ARHGEF26: variants seen among roughly 807,000 people sequenced by gnomAD.
ARHGEF26 encodes Rho guanine nucleotide exchange factor 26, also known as Rho guanine nucleotide exchange factor (GEF) 26.
A neutral mutation model predicts 89.4 loss-of-function variants in ARHGEF26; 59 were observed. The observed-to-expected ratio is 0.66, with a 90% confidence interval of 0.54 to 0.82. ARHGEF26 has a LOEUF of 0.82. ARHGEF26 is among the 40% of genes least tolerant of loss of function. The probability of loss-of-function intolerance (pLI) is 0.00; values close to 1 mark genes in which losing one functional copy is unlikely to be tolerated. For synonymous variants in ARHGEF26, 500 were observed against 428.4 expected (o/e 1.17, Z -2.06); for missense variants, 1,234 against 1,085.6 (o/e 1.14, Z -1.92).
At chr3:154,183,589 T>A (rs1358087109) in intron 6 of ARHGEF26, among the ~76,000 whole-genome samples, 1 of 152,222 alleles carries the variant, frequency 6.6e-6, no homozygotes, top group Non-Finnish European at 1.5e-5. Context: ...GATCTTTTTG[T>A]AGCTAACTCA....
chr3:154,202,796 C>G (rs1403969257), intron 9 of ARHGEF26, among the ~76,000 whole-genome samples: 1 of 21,730 alleles, frequency 4.6e-5, no homozygotes, highest in African/African-American at 4.2e-4. Flanking sequence ...TGATTTGGCT[C>G]TCTGTCTGTT....
chr3:154,160,749 AG>A (rs1321102591), intron 6 of ARHGEF26, among the ~76,000 whole-genome samples: 2 of 152,200 alleles, frequency 1.3e-5, no homozygotes, highest in African/African-American at 4.8e-5. Flanking sequence ...CTGTGTTAAT[AG>A]AAAAAGACCT....
intron 4 of ARHGEF26, among the ~76,000 whole-genome samples, chr3:154,134,328 G>A (rs1357335581): frequency 6.6e-6 from 1 of 152,126 alleles, no homozygotes; most frequent in African/African-American, 2.4e-5. Flanking sequence ...TGGGCTTACA[G>A]TCCCCTGTGT....
At chr3:154,239,291 A>AGTGTGTGT (rs1717331549) in intron 11 of ARHGEF26, among the ~76,000 whole-genome samples, 1 of 61,808 alleles carries the variant, frequency 1.6e-5, no homozygotes, top group East Asian at 4.1e-4. Flanking sequence ...AGAGAGAGAG[A>AGTGTGTGT]GAGAGAGAGT....
chr3:154,164,550 G>T (rs530694332), intron 6 of ARHGEF26, among the ~76,000 whole-genome samples: 1 of 152,206 alleles, frequency 6.6e-6, no homozygotes, highest in African/African-American at 2.4e-5. Flanking sequence ...GAAATGTCAA[G>T]ATTGGCTAAG....
intron 9 of ARHGEF26, among the ~76,000 whole-genome samples, chr3:154,212,352 A>T (rs899983881): frequency 6.6e-6 from 1 of 152,162 alleles, no homozygotes; most frequent in Non-Finnish European, 1.5e-5. Context: ...AAAAAAAAAA[A>T]AAAGGGAAAA....
At chr3:154,192,515 CCTT>C (rs1382273545) in intron 8 of ARHGEF26, among the ~76,000 whole-genome samples, 2 of 152,170 alleles carry the variant, frequency 1.3e-5, no homozygotes, top group Admixed American at 1.3e-4. Flanking sequence ...TGCCTTTACA[CCTT>C]CTCCACCCAT....
intron 9 of ARHGEF26, among the ~76,000 whole-genome samples, chr3:154,214,209 G>T (rs1355296586): frequency 1.3e-5 from 2 of 152,188 alleles, no homozygotes; most frequent in East Asian, 3.9e-4. Flanking sequence ...ACTTTATTCT[G>T]AAAGCTTCAG....
chr3:154,216,416 G>A (rs560591839), intron 9 of ARHGEF26, among the ~76,000 whole-genome samples: 5 of 149,634 alleles, frequency 3.3e-5, no homozygotes, highest in Non-Finnish European at 4.4e-5. Flanking sequence ...GCCTTAGCTT[G>A]GCTATTGTTG....
chr3:154,140,486 C>G (rs1422537654), intron 4 of ARHGEF26, among the ~76,000 whole-genome samples: 1 of 152,102 alleles, frequency 6.6e-6, no homozygotes, highest in Admixed American at 6.5e-5. Flanking sequence ...GACTGCAACT[C>G]TGACTTGGGC....
intron 4 of ARHGEF26, among the ~76,000 whole-genome samples, chr3:154,138,576 C>T (rs533183686): frequency 3.5e-4 from 54 of 152,180 alleles, no homozygotes; most frequent in African/African-American, 1.3e-3. Flanking sequence ...GGTGTGTGCA[C>T]CAGTTGCCCG....
intron 4 of ARHGEF26, among the ~76,000 whole-genome samples, chr3:154,132,037 C>T (rs1010443193): frequency 5.3e-5 from 8 of 151,920 alleles, no homozygotes; most frequent in African/African-American, 9.7e-5. Context: ...TGAGTGTTCC[C>T]GGGAGGCTTG....
At chr3:154,221,902 A>G (rs535694794) in intron 10 of ARHGEF26, among the ~76,000 whole-genome samples, 1 of 152,164 alleles carries the variant, frequency 6.6e-6, no homozygotes, top group Non-Finnish European at 1.5e-5. Flanking sequence ...GGGGAAGGTA[A>G]TGAGTTCTAT....
In ARHGEF26 at chr3:154,122,374, C is replaced by T. The variant is rs747034097; in HGVS notation, c.382C>T (p.Pro128Ser). 6.8e-6 allele frequency: 11 copies of T among 1,612,326 alleles called. No homozygotes were observed. In the South Asian group the frequency reaches 9.9e-5, roughly 14 times the overall value. ...KAVPGGSPKS[P>S]ANGAVTLPAP... ...GGTGCCTGGCGGCTCCCCGAAATCCCCAGCAAATGGCGCGGTGACCTTGCC... is the reference window on the plus strand; with the variant it reads ...GGTGCCTGGCGGCTCCCCGAAATCCTCAGCAAATGGCGCGGTGACCTTGCC... The change falls in exon 2 of 15, where the codon CCA becomes TCA. Residue 128 changes from proline (P) to serine (S), a missense_variant. Coordinates refer to ENST00000465093, the MANE Select transcript of ARHGEF26 (RefSeq NM_015595.4).
chr3:154,178,644 T>C (rs957963876), intron 6 of ARHGEF26, among the ~76,000 whole-genome samples: 1 of 152,250 alleles, frequency 6.6e-6, no homozygotes, highest in East Asian at 1.9e-4. Flanking sequence ...CATTAATTGA[T>C]GGATATTGGG....
At chr3:154,219,987 T>A (rs1461700715) in intron 10 of ARHGEF26, among the ~76,000 whole-genome samples, 1 of 152,186 alleles carries the variant, frequency 6.6e-6, no homozygotes, top group African/African-American at 2.4e-5. Flanking sequence ...GTTTTGGTTG[T>A]TTTCATTCAA....
intron 10 of ARHGEF26, among the ~76,000 whole-genome samples, chr3:154,220,920 A>G (rs529896508): frequency 6.6e-6 from 1 of 152,228 alleles, no homozygotes; most frequent in South Asian, 2.1e-4. Context: ...CAACTCACAT[A>G]TAGACAAAGG....
At chr3:154,195,370 T>G (rs1714228007) in intron 9 of ARHGEF26, among the ~76,000 whole-genome samples, 2 of 152,152 alleles carry the variant, frequency 1.3e-5, no homozygotes, top group Admixed American at 6.5e-5. Flanking sequence ...TGCTAGGCTG[T>G]TGGGGGCCTG....
rs1265074941 is a variant in ARHGEF26 at position 154,187,737 on chromosome 3, A to T, written c.1540A>T (p.Ile514Leu). ...TCAGAATAATATCTTCATAGATGACATAAGTGACATTGTGGAAAAACACAC... is the reference window on the plus strand; with the variant it reads ...TCAGAATAATATCTTCATAGATGACTTAAGTGACATTGTGGAAAAACACAC... ...RHQNNIFIDD[I>L]SDIVEKHTAS... The change falls in exon 7 of 15, where the codon ATA becomes TTA. Residue 514 changes from isoleucine to leucine, a missense_variant. Ile to Leu is a conservative substitution (Grantham distance 5). Transcript: ENST00000465093. 6.2e-7 allele frequency: 1 copy of T among 1,611,812 alleles called. No individual in the cohort carries two copies. Among genetic ancestry groups the T allele is most frequent in the Non-Finnish European group, 8.5e-7 (1 of 1,178,774 alleles).
Sources: allele counts gnomAD v4.1 joint callset (sites outside exome capture counted in the v4.1 genomes callset), GRCh38; gene constraint gnomAD v4.1.1; transcripts MANE v1.5; gene names NCBI Gene and HGNC (gene_info 2026-07-23, HGNC 2026-07-21).